USP9X: variants seen among roughly 807,000 people sequenced by gnomAD.
The protein encoded by USP9X is ubiquitin specific peptidase 9 X-linked.
Under a neutral mutation model 190.3 loss-of-function variants are expected in USP9X, and 7 were observed. The ratio of observed to expected loss-of-function variants is 0.04; its 90% CI spans 0.02 to 0.07. The LOEUF (loss-of-function observed/expected upper bound fraction) is 0.07. Among genes scored for constraint, USP9X ranks in the 10% least tolerant of loss-of-function variants. The pLI is 1.00. For synonymous variants in USP9X, 645 were observed against 659.5 expected, an observed-to-expected ratio of 0.98 and a Z score of 0.34; for missense variants, 1,010 against 1,916.9, an observed-to-expected ratio of 0.53 and a Z score of 8.83.
intron 1 of USP9X, among the ~76,000 whole-genome samples, chrX:41,098,400 A>G (rs1264412486): frequency 9.0e-6 from 1 of 110,788 alleles, no homozygotes; most frequent in Admixed American, 9.6e-5. Context: ...TCGGCCTCCC[A>G]AAGTGCAGGG....
At chrX:41,130,473 CT>C (rs1274142843) in intron 3 of USP9X, among the ~76,000 whole-genome samples, 48 of 91,111 alleles carry the variant, frequency 5.3e-4, no homozygotes, top group East Asian at 1.0e-3. Context: ...TTCTTTTTTT[CT>C]TTTTTTTTTT....
intron 38 of USP9X, among the ~76,000 whole-genome samples, chrX:41,219,528 A>T (rs191964529): frequency 2.0e-4 from 22 of 109,107 alleles, no homozygotes; most frequent in African/African-American, 7.0e-4. Flanking sequence ...CTCTTCTCAC[A>T]CTGATTGAAT....
intron 32 of USP9X, among the ~76,000 whole-genome samples, chrX:41,210,120 G>A (rs2063145320): frequency 8.9e-6 from 1 of 112,100 alleles, no homozygotes; most frequent in South Asian, 3.7e-4. Flanking sequence ...ATAAAATAGT[G>A]ATTGTAACAT....
intron 41 of USP9X, among the ~76,000 whole-genome samples, chrX:41,225,440 C>T (rs977650932): frequency 1.8e-5 from 2 of 111,326 alleles, no homozygotes; most frequent in African/African-American, 6.5e-5. Context: ...TTAATGATGC[C>T]CGAGGATTAT....
At chrX:41,099,093 A>ATTTT (rs1569147006) in intron 1 of USP9X, among the ~76,000 whole-genome samples, 1 of 47,361 alleles carries the variant, frequency 2.1e-5, no homozygotes, top group African/African-American at 9.3e-5. Context: ...TGCCCAGATA[A>ATTTT]TTGTTTTTTT....
At chrX:41,112,091 T>C (rs2062113835) in intron 1 of USP9X, among the ~76,000 whole-genome samples, 1 of 112,175 alleles carries the variant, frequency 8.9e-6, no homozygotes, top group Admixed American at 9.4e-5. Context: ...GTGATCTGCC[T>C]GCCTTGGCCT....
At chrX:41,104,877 A>G (rs2062058613) in intron 1 of USP9X, among the ~76,000 whole-genome samples, 2 of 111,806 alleles carry the variant, frequency 1.8e-5, no homozygotes, top group Non-Finnish European at 3.8e-5. Flanking sequence ...TGAAAACCTC[A>G]TAGTCTGCAA....
chrX:41,198,844 A>G (rs2063013561), intron 30 of USP9X, 94 bp downstream of exon 30: 1 of 844,703 alleles, frequency 1.2e-6, no homozygotes, highest in African/African-American at 2.0e-5. Flanking sequence ...CAACTTACGT[A>G]TTTCTTTCAG....
intron 14 of USP9X, among the ~76,000 whole-genome samples, chrX:41,156,751 G>A (rs780018164): frequency 2.2e-3 from 242 of 112,030 alleles, no homozygotes; most frequent in Non-Finnish European, 3.6e-3. Flanking sequence ...AAGGTGTGAG[G>A]ATGCTGTGCT....
intron 20 of USP9X, 165 bp from the exon 21 acceptor site, chrX:41,171,673 A>G (rs1212998174): frequency 1.0e-5 from 6 of 600,607 alleles, no homozygotes; most frequent in East Asian, 3.8e-5. Context: ...GATCTGCACT[A>G]TTAAGGATTT....
intron 1 of USP9X, among the ~76,000 whole-genome samples, chrX:41,114,143 T>A (rs2062129592): frequency 1.8e-5 from 2 of 112,496 alleles, no homozygotes; most frequent in African/African-American, 6.5e-5. Flanking sequence ...TAAAAAATGA[T>A]CTCTCATGTT....
At chrX:41,186,848 A>T (rs1382624982) in intron 24 of USP9X, among the ~76,000 whole-genome samples, 14 of 103,641 alleles carry the variant, frequency 1.4e-4, no homozygotes, top group Admixed American at 3.1e-4. Context: ...TTTTTTTGAG[A>T]CGGAGTCTCA....
chrX:41,137,086 C>T (rs1450900636), intron 6 of USP9X, 64 bp downstream of exon 6: 2 of 995,117 alleles, frequency 2.0e-6, no homozygotes, highest in Non-Finnish European at 2.8e-6. Context: ...ACAGAATCTT[C>T]AGTGATCTGT....
chrX:41,197,353 G>A lies in USP9X; in HGVS notation c.4234-11G>A, dbSNP rs757192076. The A allele has an allele frequency of 3.1e-5, 8 of 255,224 alleles. No homozygotes were observed. Among genetic ancestry groups the A allele is most frequent in the Middle Eastern group, 7.9e-4 (1 of 1,272 alleles). The allele number at this position is 255,224 out of a possible 1,213,427, so 21.0% of individuals were successfully genotyped here. On this transcript the variant is annotated splice_polypyrimidine_tract_variant and intron_variant, in intron 28 of 44. Coordinates refer to ENST00000378308, the MANE Select transcript of USP9X (RefSeq NM_001039591.3). ...TCTTCCCCCCCCCACCCCACCCCCCGCCTTTGGCAGGATGATGTTAAAAGA... is the reference window on the plus strand; with the variant it reads ...TCTTCCCCCCCCCACCCCACCCCCCACCTTTGGCAGGATGATGTTAAAAGA...
At chrX:41,125,684 A>ACACACACACACACCCTCT in intron 2 of USP9X, among the ~76,000 whole-genome samples, 2 of 19,027 alleles carry the variant, frequency 1.1e-4, no homozygotes, top group Non-Finnish European at 1.8e-4. Context: ...ACACACACAC[A>ACACACACACACACCCTCT]CTCTCTCTCT....
intron 9 of USP9X, 138 bp downstream of exon 9, chrX:41,141,569 C>A: frequency 1.6e-6 from 1 of 625,914 alleles, no homozygotes; most frequent in Non-Finnish European, 2.2e-6. Flanking sequence ...TGATTTATAA[C>A]TCTGTTAATC....
intron 14 of USP9X, among the ~76,000 whole-genome samples, chrX:41,155,672 A>C (rs1043571779): frequency 1.9e-5 from 2 of 107,393 alleles, no homozygotes; most frequent in African/African-American, 6.8e-5. Context: ...TAGGGTGCAG[A>C]TCCTGTGCTA....
intron 30 of USP9X, among the ~76,000 whole-genome samples, chrX:41,200,814 T>C (rs1221270329): frequency 8.9e-6 from 1 of 112,293 alleles, no homozygotes; most frequent in Admixed American, 9.5e-5. Context: ...GAGACTGCCA[T>C]AGAAGCAACA....
At chrX:41,106,522 A>ATTTTTTTT (rs35038623) in intron 1 of USP9X, among the ~76,000 whole-genome samples, 1 of 58,789 alleles carries the variant, frequency 1.7e-5, no homozygotes, top group Non-Finnish European at 3.1e-5. Flanking sequence ...TTCTGAATTA[A>ATTTTTTTT]TTTTTTTTTT....
Sources: gnomAD v4.1 joint callset for allele counts (sites outside exome capture counted in the v4.1 genomes callset) on GRCh38, gnomAD v4.1.1 for gene constraint, MANE v1.5 for transcripts, NCBI Gene and HGNC (gene_info 2026-07-23, HGNC 2026-07-21) for gene names.